GRIK5: variants seen among roughly 807,000 people sequenced by gnomAD.
GRIK5 encodes the protein glutamate ionotropic receptor kainate type subunit 5, also known as glutamate receptor ionotropic, kainate 5.
GRIK5 carries 43 observed loss-of-function variants against 97.4 expected under a neutral mutation model. The ratio of observed to expected loss-of-function variants is 0.44; its 90% confidence interval spans 0.35 to 0.57. The LOEUF (loss-of-function observed/expected upper bound fraction) is 0.57, where lower values mean the gene tolerates loss of function less well. GRIK5 is among the 20% of genes least tolerant of loss of function. The pLI is 0.01. For synonymous variants in GRIK5, 580 were observed against 583.5 expected, an observed-to-expected ratio of 0.99 and a Z score of 0.09; for missense variants, 1,015 against 1,382.0, an observed-to-expected ratio of 0.73 and a Z score of 4.21.
At chr19:42,015,572 C>A (rs900429854) in intron 15 of GRIK5, among the ~76,000 whole-genome samples, 5 of 152,218 alleles carry the variant, frequency 3.3e-5, no homozygotes, top group African/African-American at 9.7e-5. Flanking sequence ...GCTGCAGTTT[C>A]CTCACCTGTG....
chr19:42,001,621 A>G (rs1482135907), intron 19 of GRIK5, among the ~76,000 whole-genome samples: 2 of 152,204 alleles, frequency 1.3e-5, no homozygotes, highest in African/African-American at 4.8e-5. Context: ...ACAGTGAGCC[A>G]TCTTAGAACG....
At chr19:42,029,850 G>A (rs1004372998) in intron 12 of GRIK5, among the ~76,000 whole-genome samples, 2 of 152,130 alleles carry the variant, frequency 1.3e-5, no homozygotes, top group African/African-American at 4.8e-5. Flanking sequence ...AATGTGGTAT[G>A]AGTTGCCACC....
chr19:42,032,372 G>A (rs1370821482), intron 12 of GRIK5, among the ~76,000 whole-genome samples: 5 of 152,202 alleles, frequency 3.3e-5, no homozygotes, highest in African/African-American at 1.2e-4. Context: ...ACATTCTCAT[G>A]CACTTTGGTA....
rs1251741338 is a variant in GRIK5, at chr19:42,006,609, C to G, written c.2037+36G>C. ...CTGAGCTGCTTTGCATGGCAGGGATCCCAACACCACGCCTGAGAGGTTCTG... is the reference window on the plus strand; with the variant it reads ...CTGAGCTGCTTTGCATGGCAGGGATGCCAACACCACGCCTGAGAGGTTCTG... On this transcript the variant is annotated intron_variant, in intron 16 of 19. Transcript: ENST00000593562. This position sits in a 1 kb window ranked among gnomAD's most constrained non-coding sequence, Gnocchi z 5.3. 3 of 1,600,278 alleles carry G rather than the reference C, an allele frequency of 1.9e-6. No individual in the cohort carries two copies. In the East Asian group the frequency reaches 6.7e-5, roughly 36 times the overall value.
chr19:42,053,746 G>T, intron 10 of GRIK5, 37 bp from the exon 11 acceptor site: 1 of 1,553,516 alleles, frequency 6.4e-7, no homozygotes, highest in Non-Finnish European at 8.9e-7. Context: ...CTCAGGCCCT[G>T]CCTGAGGTCA....
intron 5 of GRIK5, among the ~76,000 whole-genome samples, chr19:42,060,709 C>T (rs755378576): frequency 2.6e-5 from 4 of 152,056 alleles, no homozygotes; most frequent in South Asian, 4.1e-4. Context: ...GCGGCCTTCA[C>T]GCTGGCTGTT....
At chr19:42,007,719 G>C (rs2075509935) in intron 15 of GRIK5, among the ~76,000 whole-genome samples, 1 of 152,170 alleles carries the variant, frequency 6.6e-6, no homozygotes, top group African/African-American at 2.4e-5. Flanking sequence ...GGCTGGACAA[G>C]AGCAACTTTC....
Position 41,998,951 on chromosome 19 carries a change from C to T in GRIK5, c.2863G>A (p.Gly955Ser). The change falls in exon 20 of 20, where the codon GGC becomes AGC. Residue 955 changes from glycine to serine, a missense_variant. By Grantham distance (56) the Gly-to-Ser change is moderately conservative (BLOSUM62 0). This residue lies in a region of GRIK5 where 109 missense variants were observed against 100.4 expected (regional missense o/e 1.09). Transcript: ENST00000593562. Reference sequence around the variant, plus strand: ...GGGCTGGTGGCTTCGGCGGGGACGCCCAGGCCACGCGGAGGCGCGCCGGCC... The same window carrying T: ...GGGCTGGTGGCTTCGGCGGGGACGCTCAGGCCACGCGGAGGCGCGCCGGCC... ...SGAGAPPRGL[G>S]VPAEATSPPR... 8.7e-7 allele frequency: 1 copy of T among 1,145,734 alleles called. No homozygotes were observed. The highest frequency in any genetic ancestry group is 1.1e-6 in the Non-Finnish European group (1 of 933,574). 71.0% of individuals were successfully genotyped at this position (1,145,734 alleles called of 1,614,324 possible). A position where few individuals can be genotyped will look rare whatever the true frequency, so the allele number is the denominator to read the frequency against.
intron 12 of GRIK5, among the ~76,000 whole-genome samples, chr19:42,029,718 G>A (rs1299589002): frequency 2.0e-5 from 3 of 152,202 alleles, no homozygotes; most frequent in Non-Finnish European, 2.9e-5. Context: ...TGGCCCAGGT[G>A]GCAGATCAGC....
chr19:42,023,364 A>G (rs1309848912), intron 12 of GRIK5, among the ~76,000 whole-genome samples: 2 of 152,144 alleles, frequency 1.3e-5, no homozygotes, highest in African/African-American at 4.8e-5. Flanking sequence ...GGTGTTGAGC[A>G]TAGGGAGCTT....
chr19:42,054,730 C>T (rs2076160678), intron 8 of GRIK5, among the ~76,000 whole-genome samples: 1 of 152,144 alleles, frequency 6.6e-6, no homozygotes, highest in African/African-American at 2.4e-5. Flanking sequence ...ATGTATCTCT[C>T]AGAGGGTGCC....
chr19:42,019,328 T>G (rs979634494), intron 15 of GRIK5, among the ~76,000 whole-genome samples: 1 of 152,178 alleles, frequency 6.6e-6, no homozygotes, highest in African/African-American at 2.4e-5. Context: ...CCTTTAGGAC[T>G]CAACCCAGTT....
chr19:42,066,361 G>A (rs930565452), intron 1 of GRIK5, among the ~76,000 whole-genome samples: 1 of 152,016 alleles, frequency 6.6e-6, no homozygotes, highest in African/African-American at 2.4e-5. Context: ...AGGTCTGGAG[G>A]AGAGAGTATC....
intron 17 of GRIK5, 49 bp downstream of exon 17, chr19:42,005,674 T>C: frequency 1.4e-6 from 2 of 1,386,328 alleles, no homozygotes; most frequent in Admixed American, 1.8e-5. Context: ...TCACAGGTGG[T>C]TTTGGATGCC....
chr19:42,027,756 T>G (rs544659904), intron 12 of GRIK5, among the ~76,000 whole-genome samples: 34 of 152,318 alleles, frequency 2.2e-4, no homozygotes, highest in African/African-American at 7.5e-4. Context: ...AAGTTCTTCC[T>G]AGGCTCCTCC....
At chr19:42,014,850 T>C (rs776878851) in intron 15 of GRIK5, among the ~76,000 whole-genome samples, 2 of 152,096 alleles carry the variant, frequency 1.3e-5, no homozygotes, top group African/African-American at 2.4e-5. Context: ...AGCCCAGGAG[T>C]TGGAAACCTG....
chr19:42,021,903 G>T lies in GRIK5; in HGVS notation c.1697+44C>A. ...AGGTCGGTCCCAGAGGCCTCGGCTC[G>T]TGCCTCCTCCAGCCCCTTCCTTCCC... is the stretch of plus-strand genomic sequence containing the variant. On this transcript the variant is annotated intron_variant, in intron 14 of 19. Transcript: ENST00000593562. This position sits in a 1 kb window ranked among gnomAD's most constrained non-coding sequence, Gnocchi z 4.2. The T allele has an allele frequency of 2.2e-6, 3 of 1,362,486 alleles. No homozygotes were observed. Among genetic ancestry groups the T allele is most frequent in the Non-Finnish European group, 2.1e-6 (2 of 968,216 alleles). 84.4% of individuals were successfully genotyped at this position (1,362,486 alleles called of 1,614,324 possible).
At chr19:42,016,290 T>G (rs188496833) in intron 15 of GRIK5, among the ~76,000 whole-genome samples, 3,065 of 152,204 alleles carry the variant, frequency 0.02, 46 homozygotes, top group Non-Finnish European at 0.031. Flanking sequence ...ACGTGGTGGC[T>G]GGCACCTGTA....
rs748586765 is a variant in GRIK5, at chr19:42,021,463, T to C, written c.1709A>G (p.Tyr570Cys). The change falls in exon 15 of 20, where the codon TAT (tyrosine) becomes TGT (cysteine). Residue 570 changes from tyrosine (Y) to cysteine (C), a missense_variant. Tyr to Cys is a radical substitution (Grantham distance 194). Coordinates refer to ENST00000593562, the MANE Select transcript of GRIK5 (RefSeq NM_002088.5). This position sits in a 1 kb window ranked among gnomAD's most constrained non-coding sequence, Gnocchi z 4.2. ...GCATGGGTGTGGGTTATACCACTCA[T>C]AGGGGCTCAGCCTGTGGAGAGACGT... ...VLFLAARLSP[Y>C]EWYNPHPCLR... The C allele has an allele frequency of 2.0e-5, 31 of 1,574,492 alleles. No homozygotes were observed. The highest frequency in any genetic ancestry group is 5.8e-5 in the South Asian group (5 of 86,246).
Sources: allele counts gnomAD v4.1 joint callset (sites outside exome capture counted in the v4.1 genomes callset), GRCh38; gene constraint gnomAD v4.1.1; regional missense constraint gnomAD v4.1.1; non-coding constraint Gnocchi (gnomAD v3.1); transcripts MANE v1.5; gene names NCBI Gene and HGNC (gene_info 2026-07-23, HGNC 2026-07-21).